Variants in RBM6 observed in about 807,000 individuals in gnomAD.
The protein encoded by RBM6 is RNA-binding protein 6.
Under a neutral mutation model 140.4 loss-of-function variants are expected in RBM6, and 23 were observed. That is an observed-to-expected ratio of 0.16 (90% confidence interval 0.12 to 0.23). The LOEUF (loss-of-function observed/expected upper bound fraction) is 0.23. Ranked by LOEUF, RBM6 falls within the 10% of genes least tolerant of loss-of-function variation. The pLI is 1.00. For missense variants in RBM6, 1,139 were observed against 1,386.7 expected (o/e 0.82, Z 2.84); for synonymous variants, 439 against 475.6 (o/e 0.92, Z 1.00).
At chr3:49,940,468 T>A (rs1020920337) in intron 1 of RBM6, 4 of 154,698 alleles carry the variant, frequency 2.6e-5, no homozygotes, top group African/African-American at 9.6e-5. Context: ...GGCAGTAGAT[T>A]ACCGGTCCCG....
At chr3:49,941,010 A>C (rs1324308101) in intron 1 of RBM6, 2 of 149,594 alleles carry the variant, frequency 1.3e-5, no homozygotes, top group African/African-American at 5.0e-5. Context: ...AGCCGGATTT[A>C]AGTGAAGGAG....
At chr3:49,982,228 A>G (rs1209252388) in intron 5 of RBM6, among the ~76,000 whole-genome samples, 2 of 150,218 alleles carry the variant, frequency 1.3e-5, no homozygotes, top group Non-Finnish European at 2.9e-5. Context: ...ACGTTGTAGC[A>G]AAGGCCCTGT....
At chr3:49,954,381 AG>A (rs2083877544) in intron 1 of RBM6, among the ~76,000 whole-genome samples, 1 of 151,014 alleles carries the variant, frequency 6.6e-6, no homozygotes, top group Admixed American at 6.6e-5. Context: ...CGGAGGTTGC[AG>A]TGAGCCGAGA....
intron 1 of RBM6, among the ~76,000 whole-genome samples, chr3:49,951,582 G>T (rs2083732455): frequency 1.3e-5 from 2 of 150,870 alleles, no homozygotes; most frequent in African/African-American, 2.4e-5. Flanking sequence ...ATTTATTTAT[G>T]TATTTTGAGA....
At chr3:50,061,359 A>G in intron 13 of RBM6, 103 bp from the exon 14 acceptor site, 1 of 1,580,370 alleles carries the variant, frequency 6.3e-7, no homozygotes. Context: ...CTGTAGATGC[A>G]CCTATTTGTG....
intron 1 of RBM6, chr3:49,941,081 G>A (rs1373819859): frequency 1.3e-5 from 2 of 151,854 alleles, no homozygotes; most frequent in Non-Finnish European, 2.9e-5. Flanking sequence ...TTGTGCCCTC[G>A]GCTTGCTAGT....
chr3:49,940,493 G>A (rs2083236543), intron 1 of RBM6: 1 of 155,182 alleles, frequency 6.4e-6, no homozygotes, highest in Non-Finnish European at 1.5e-5. Flanking sequence ...GGAGCGGCCA[G>A]CTGTGAGGCT....
chr3:50,035,795 C>A (rs1332196846), intron 6 of RBM6, among the ~76,000 whole-genome samples: 1 of 151,634 alleles, frequency 6.6e-6, no homozygotes. Flanking sequence ...GAGTCTCACT[C>A]TGTTGCCCAG....
chr3:49,979,555 T>G (rs1262610171), intron 5 of RBM6, among the ~76,000 whole-genome samples: 1 of 150,038 alleles, frequency 6.7e-6, no homozygotes, highest in African/African-American at 2.5e-5. Flanking sequence ...TTCTCCTTCC[T>G]CAGCCTCCCA....
At position 49,967,772 on chromosome 3, in the gene RBM6, G is replaced by A. The variant is rs1384226530; in HGVS notation, c.347G>A (p.Arg116Lys). The part of the protein sequence containing the change: ...QSRDSSQLDF[R>K]GRDIHSGDFR... ...AGAGATTCATCACAGTTGGACTTCA[G>A]GGGTAGGGACATACATTCTGGGGAT... The change falls in exon 3 of 21, where the codon AGG becomes AAG. Residue 116 changes from arginine to lysine, a missense_variant. By Grantham distance (26) the Arg-to-Lys change is conservative. Coordinates refer to ENST00000266022, the MANE Select transcript of RBM6 (RefSeq NM_005777.3). The surrounding 1 kb of genome is among the most constrained non-coding windows in gnomAD (Gnocchi z 4.0). 1.9e-6 allele frequency: 3 copies of A among 1,614,122 alleles called. No homozygotes were observed. Among genetic ancestry groups the A allele is most frequent in the Non-Finnish European group, 2.5e-6 (3 of 1,180,030 alleles).
Position 50,062,105 on chromosome 3 carries a change from G to A in RBM6, c.2583G>A (p.Thr861=), listed in dbSNP as rs374328089. ...AGGAGAAAAAAGACAGAGGAGTGAC[G>A]AGGGTAAGAGGAATTGTTAATTTGC... ...DGKEKKDRGV[T]RFQENASEGK... is the part of the protein sequence containing the mutation. Residue 861 remains threonine, a synonymous_variant, in exon 15 of 21, where the codon ACG becomes ACA. Coordinates refer to ENST00000266022, the MANE Select transcript of RBM6 (RefSeq NM_005777.3). 25 of 1,610,620 alleles carry A rather than the reference G, an allele frequency of 1.6e-5. No homozygotes were observed. Among genetic ancestry groups the A allele is most frequent in the Non-Finnish European group, 2.0e-5 (23 of 1,178,828 alleles).
At chr3:50,018,832 G>T (rs2624818) in intron 6 of RBM6, among the ~76,000 whole-genome samples, 1 of 151,624 alleles carries the variant, frequency 6.6e-6, no homozygotes. Context: ...CTCGTGATTC[G>T]TCCACCTCGG....
intron 5 of RBM6, among the ~76,000 whole-genome samples, chr3:49,990,734 A>G (rs913354526): frequency 6.6e-6 from 1 of 152,152 alleles, no homozygotes; most frequent in Non-Finnish European, 1.5e-5. Context: ...CAAGTGCTAT[A>G]AGGAAATTTC....
chr3:49,968,503 A>G lies in RBM6; in HGVS notation c.1078A>G (p.Ser360Gly). ...EHESPADFQN[S>G]QSPVQDQDKS... ...TGAGTCTCCAGCAGACTTTCAGAAC[A>G]GCCAAAGTCCAGTTCAAGACCAAGA... is the stretch of plus-strand genomic sequence containing the variant. The change falls in exon 3 of 21, where the codon AGC (serine) becomes GGC (glycine). Residue 360 changes from serine (S) to glycine (G), a missense_variant. Ser to Gly is a moderately conservative substitution (Grantham distance 56). Around this residue, in one of 9 missense-constraint regions of RBM6, gnomAD observed 566 missense variants for 612.7 expected, o/e 0.92. Coordinates refer to ENST00000266022, the MANE Select transcript of RBM6 (RefSeq NM_005777.3). 13 of 1,614,246 alleles carry G rather than the reference A, an allele frequency of 8.1e-6. No homozygotes were observed. Among genetic ancestry groups the G allele is most frequent in the Non-Finnish European group, 1.1e-5 (13 of 1,180,046 alleles).
intron 6 of RBM6, among the ~76,000 whole-genome samples, chr3:50,000,442 C>T (rs1287167096): frequency 7.4e-5 from 10 of 135,566 alleles, no homozygotes; most frequent in Admixed American, 1.6e-4. Context: ...TTTTTTGAGA[C>T]GGAGTTTTGC....
At chr3:49,984,264 C>A (rs765685989) in intron 5 of RBM6, among the ~76,000 whole-genome samples, 24 of 152,082 alleles carry the variant, frequency 1.6e-4, no homozygotes, top group Non-Finnish European at 2.9e-4. Context: ...GATCATGCCA[C>A]TGCACTCCAG....
chr3:50,061,978 C>T lies in RBM6; in HGVS notation c.2456C>T (p.Pro819Leu). The T allele has an allele frequency of 6.2e-7, 1 of 1,613,424 alleles. No homozygotes were observed. Among genetic ancestry groups the T allele is most frequent in the East Asian group, 2.2e-5 (1 of 44,852 alleles). The stretch of plus-strand genomic sequence containing the variant: ...GTATCGCAGCAAGAAGTCTATGTGC[C>T]CCAGGATCCTGGATTACCTGAGGAA... Reference protein sequence around the residue: ...DPNTQQEVYVPQDPGLPEEEE... With the variant: ...DPNTQQEVYVLQDPGLPEEEE... The change falls in exon 15 of 21, where the codon CCC becomes CTC. Residue 819 changes from proline to leucine, a missense_variant. Coordinates refer to ENST00000266022, the MANE Select transcript of RBM6 (RefSeq NM_005777.3).
chr3:50,068,981 A>G (rs1352309522), intron 18 of RBM6, among the ~76,000 whole-genome samples: 1 of 152,194 alleles, frequency 6.6e-6, no homozygotes. Context: ...ATCTTTTTTA[A>G]AAGGTGGTGT....
intron 2 of RBM6, among the ~76,000 whole-genome samples, chr3:49,963,351 A>G (rs1490713726): frequency 1.3e-5 from 2 of 152,038 alleles, no homozygotes; most frequent in Non-Finnish European, 2.9e-5. Context: ...CTCCTGCCTC[A>G]GCCTTCTGAG....
Sources: gnomAD v4.1 joint callset for allele counts (sites outside exome capture counted in the v4.1 genomes callset) on GRCh38, gnomAD v4.1.1 for gene constraint, gnomAD v4.1.1 regional missense constraint, Gnocchi (gnomAD v3.1) non-coding constraint, MANE v1.5 for transcripts, NCBI Gene and HGNC (gene_info 2026-07-23, HGNC 2026-07-21) for gene names.